KCTD16: variants seen among roughly 807,000 people sequenced by gnomAD.
KCTD16 encodes BTB/POZ domain-containing protein KCTD16.
KCTD16 carries 13 observed loss-of-function variants against 33.2 expected under a neutral mutation model. That is an observed-to-expected ratio of 0.39 (90% CI 0.25 to 0.62). KCTD16 has a LOEUF of 0.62. Ranked by LOEUF, KCTD16 falls within the 20% of genes least tolerant of loss-of-function variation. The pLI is 0.50. For missense variants in KCTD16, 441 were observed against 525.1 expected, an observed-to-expected ratio of 0.84 and a Z score of 1.57; for synonymous variants, 197 against 195.3, an observed-to-expected ratio of 1.01 and a Z score of -0.07.
chr5:144,372,248 A>C (rs1751985489), intron 3 of KCTD16, among the ~76,000 whole-genome samples: 1 of 150,810 alleles, frequency 6.6e-6, no homozygotes, highest in South Asian at 2.1e-4. Flanking sequence ...AGTGGTACCC[A>C]TCTTATAAAA....
chr5:144,252,186 G>A (rs1207495843), intron 3 of KCTD16, among the ~76,000 whole-genome samples: 1 of 152,082 alleles, frequency 6.6e-6, no homozygotes, highest in African/African-American at 2.4e-5. Context: ...TACAGCCAGC[G>A]TGCTGTATAT....
chr5:144,287,525 G>A (rs1238209197), intron 3 of KCTD16, among the ~76,000 whole-genome samples: 1 of 152,302 alleles, frequency 6.6e-6, no homozygotes, highest in East Asian at 1.9e-4. Flanking sequence ...TGGCTGATAA[G>A]TGAGAGTCAA....
intron 3 of KCTD16, among the ~76,000 whole-genome samples, chr5:144,418,096 C>G (rs942659013): frequency 6.6e-6 from 1 of 152,080 alleles, no homozygotes; most frequent in East Asian, 1.9e-4. Flanking sequence ...TGGAGTTGTT[C>G]GTTCCTCCTG....
At chr5:144,257,394 A>T (rs980252001) in intron 3 of KCTD16, among the ~76,000 whole-genome samples, 18 of 152,172 alleles carry the variant, frequency 1.2e-4, no homozygotes, top group Admixed American at 1.2e-3. Context: ...ACTAAGAATG[A>T]CACATTTGTT....
At chr5:144,216,397 C>A (rs1753563794) in intron 3 of KCTD16, among the ~76,000 whole-genome samples, 1 of 152,210 alleles carries the variant, frequency 6.6e-6, no homozygotes, top group South Asian at 2.1e-4. Flanking sequence ...TTTTATTCAT[C>A]AGTTCCATTC....
At chr5:144,242,022 A>C (rs1376436354) in intron 3 of KCTD16, among the ~76,000 whole-genome samples, 3 of 152,204 alleles carry the variant, frequency 2.0e-5, no homozygotes, top group Non-Finnish European at 4.4e-5. Flanking sequence ...CTTTCTCTGA[A>C]AGTTGTTTGT....
intron 3 of KCTD16, among the ~76,000 whole-genome samples, chr5:144,266,416 G>T (rs1359734576): frequency 6.6e-6 from 1 of 152,168 alleles, no homozygotes. Flanking sequence ...GTAGAGGGTA[G>T]CACCAAAACA....
chr5:144,344,756 G>T (rs902135854), intron 3 of KCTD16, among the ~76,000 whole-genome samples: 10 of 150,372 alleles, frequency 6.7e-5, no homozygotes, highest in African/African-American at 2.2e-4. Flanking sequence ...CACTGTTGGT[G>T]GGACTGTAAA....
chr5:144,449,805 AG>A, intron 3 of KCTD16, among the ~76,000 whole-genome samples: 1 of 152,172 alleles, frequency 6.6e-6, no homozygotes, highest in Middle Eastern at 3.4e-3. Context: ...ATCAACTTAA[AG>A]TGGACTATAC....
At chr5:144,331,858 T>G (rs963397746) in intron 3 of KCTD16, among the ~76,000 whole-genome samples, 38 of 152,324 alleles carry the variant, frequency 2.5e-4, no homozygotes, top group African/African-American at 8.4e-4. Context: ...AAACTGGAAC[T>G]GCCCCCTGAG....
chr5:144,264,901 G>T (rs1755102418), intron 3 of KCTD16, among the ~76,000 whole-genome samples: 1 of 151,988 alleles, frequency 6.6e-6, no homozygotes, highest in Admixed American at 6.6e-5. Flanking sequence ...ATAATTTAAG[G>T]CACATGTTTA....
chr5:144,357,221 C>T (rs2126912738), intron 3 of KCTD16, among the ~76,000 whole-genome samples: 1 of 152,294 alleles, frequency 6.6e-6, no homozygotes, highest in Admixed American at 6.5e-5. Context: ...AGGGTGTTCC[C>T]TGCTTAATGG....
intron 3 of KCTD16, among the ~76,000 whole-genome samples, chr5:144,387,723 G>A (rs1228894226): frequency 6.6e-6 from 1 of 152,176 alleles, no homozygotes; most frequent in Non-Finnish European, 1.5e-5. Context: ...TGTAGGTGTA[G>A]CTTTCAAAAT....
chr5:144,399,494 T>A (rs1414852912), intron 3 of KCTD16, among the ~76,000 whole-genome samples: 1 of 152,172 alleles, frequency 6.6e-6, no homozygotes, highest in Non-Finnish European at 1.5e-5. Flanking sequence ...TTACTTTTTT[T>A]TGGCCGCCAT....
At chr5:144,267,329 T>G (rs1359098948) in intron 3 of KCTD16, among the ~76,000 whole-genome samples, 1 of 152,168 alleles carries the variant, frequency 6.6e-6, no homozygotes, top group Non-Finnish European at 1.5e-5. Context: ...TAATGATTGT[T>G]CAAACCTAGG....
At chr5:144,345,412 A>G (rs919829198) in intron 3 of KCTD16, among the ~76,000 whole-genome samples, 3 of 152,166 alleles carry the variant, frequency 2.0e-5, no homozygotes, top group African/African-American at 7.2e-5. Context: ...CATGTTACAC[A>G]AGTTTATAGG....
intron 3 of KCTD16, among the ~76,000 whole-genome samples, chr5:144,247,484 C>T (rs577340105): frequency 4.0e-4 from 61 of 152,146 alleles, no homozygotes; most frequent in Non-Finnish European, 7.8e-4. Context: ...CAAGTCTTTC[C>T]AGCTGTGGCT....
At chr5:144,278,830 T>C (rs1755518155) in intron 3 of KCTD16, among the ~76,000 whole-genome samples, 1 of 152,182 alleles carries the variant, frequency 6.6e-6, no homozygotes, top group Non-Finnish European at 1.5e-5. Context: ...AGAAACAGCT[T>C]GTCACTACCT....
intron 3 of KCTD16, among the ~76,000 whole-genome samples, chr5:144,387,069 A>G (rs1410695915): frequency 6.6e-6 from 1 of 151,650 alleles, no homozygotes; most frequent in Non-Finnish European, 1.5e-5. Context: ...CAGGCTCAAG[A>G]GATCCTCCCA....
Sources: gnomAD v4.1 joint callset for allele counts (sites outside exome capture counted in the v4.1 genomes callset) on GRCh38, gnomAD v4.1.1 for gene constraint, MANE v1.5 for transcripts, NCBI Gene and HGNC (gene_info 2026-07-23, HGNC 2026-07-21) for gene names.